ANKRD30B: variants seen among roughly 807,000 people sequenced by gnomAD.
ANKRD30B encodes the protein ankyrin repeat domain 30B.
ANKRD30B carries 144 observed loss-of-function variants against 202.2 expected under a neutral mutation model. The ratio of observed to expected loss-of-function variants is 0.71; its 90% CI spans 0.62 to 0.82. ANKRD30B has a LOEUF of 0.82. ANKRD30B is among the 40% of genes least tolerant of loss of function. The pLI is 0.00. For synonymous variants in ANKRD30B, 508 were observed against 561.3 expected (o/e 0.91, Z 1.34); for missense variants, 1,487 against 1,669.1 (o/e 0.89, Z 1.90).
At chr18:14,838,270 G>T (rs1191963723) in intron 36 of ANKRD30B, among the ~76,000 whole-genome samples, 4 of 150,458 alleles carry the variant, frequency 2.7e-5, no homozygotes, top group Non-Finnish European at 6.0e-5. Context: ...GTATGATTCT[G>T]TGTATATCTA....
the ANKRD30B span, among the ~76,000 whole-genome samples, chr18:14,922,599 G>A: frequency 1.3e-5 from 2 of 148,526 alleles, no homozygotes; most frequent in African/African-American, 5.0e-5. Flanking sequence ...AGCTTGCAGT[G>A]AGCCAAGATC....
chr18:14,898,260 C>T, the ANKRD30B span, among the ~76,000 whole-genome samples: 2 of 152,028 alleles, frequency 1.3e-5, no homozygotes, highest in Admixed American at 6.6e-5. Context: ...TGGTGTGAGA[C>T]GATACTCTAA....
chr18:14,821,279 G>A (rs1044759174), intron 30 of ANKRD30B, among the ~76,000 whole-genome samples: 6 of 151,546 alleles, frequency 4.0e-5, no homozygotes, highest in East Asian at 3.9e-4. Context: ...TCTTGCTAGC[G>A]GTCTATCAAT....
intron 24 of ANKRD30B, among the ~76,000 whole-genome samples, chr18:14,805,670 G>C (rs1969465096): frequency 6.6e-6 from 1 of 150,828 alleles, no homozygotes; most frequent in African/African-American, 2.4e-5. Context: ...ATGAATATTT[G>C]TAATGATATA....
At chr18:14,782,658 T>TAGACAAACATATG in intron 12 of ANKRD30B, 44 bp downstream of exon 12, 4 of 1,316,162 alleles carry the variant, frequency 3.0e-6, no homozygotes, top group Non-Finnish European at 4.2e-6. Flanking sequence ...ACCATATGTT[T>TAGACAAACATATG]GTCTAAACGC....
intron 39 of ANKRD30B, among the ~76,000 whole-genome samples, chr18:14,846,831 T>G (rs992548949): frequency 2.0e-5 from 3 of 151,862 alleles, no homozygotes; most frequent in African/African-American, 7.2e-5. Context: ...TTATTTCTTA[T>G]AGGTGTTATA....
the ANKRD30B span, among the ~76,000 whole-genome samples, chr18:14,919,678 C>T: frequency 6.6e-6 from 1 of 152,206 alleles, no homozygotes; most frequent in Admixed American, 6.5e-5. Flanking sequence ...AAGTTTCTAA[C>T]ATGATGAACA....
intron 33 of ANKRD30B, chr18:14,830,369 A>C (rs1024980769): frequency 1.1e-4 from 17 of 152,504 alleles, no homozygotes; most frequent in Admixed American, 5.9e-4. Flanking sequence ...CAAGGAAGGA[A>C]AAGTATAAAA....
intron 9 of ANKRD30B, among the ~76,000 whole-genome samples, chr18:14,777,108 T>C (rs1402407570): frequency 2.0e-5 from 3 of 152,166 alleles, no homozygotes; most frequent in Non-Finnish European, 4.4e-5. Context: ...TTTTGAAATA[T>C]GTACACGAGT....
Position 14,763,753 on chromosome 18 carries a change from A to C in ANKRD30B, c.888A>C (p.Glu296Asp), listed in dbSNP as rs780404673. Reference protein sequence around the residue: ...PLAERTPDTAESLLEKTPDEA... With the variant: ...PLAERTPDTADSLLEKTPDEA... ...CGGAAAGAACACCTGACACGGCTGA[A>C]AGCTTGCTGGAAAAAACACCTGACG... Residue 296 changes from glutamate (E) to aspartate (D), a missense_variant, in exon 7 of 44, where the codon GAA becomes GAC. Physicochemically the swap from Glu to Asp is conservative, Grantham distance 45 (BLOSUM62 2). Around this residue, in one of 6 missense-constraint regions of ANKRD30B, gnomAD observed 889 missense variants for 841.4 expected, o/e 1.06. Coordinates refer to ENST00000690538, the MANE Select transcript of ANKRD30B (RefSeq NM_001367607.2). 42 of 1,614,094 alleles carry C rather than the reference A, an allele frequency of 2.6e-5. 1 individual carries two copies. The East Asian group carries it at 7.8e-4, about 30-fold the overall frequency.
chr18:14,770,607 A>G (rs1057272131), intron 8 of ANKRD30B, among the ~76,000 whole-genome samples: 3 of 152,188 alleles, frequency 2.0e-5, no homozygotes, highest in Admixed American at 6.5e-5. Flanking sequence ...CAGGATTGGT[A>G]GGAGTAAGGG....
chr18:14,865,068 C>A, the ANKRD30B span, among the ~76,000 whole-genome samples: 1 of 151,570 alleles, frequency 6.6e-6, no homozygotes, highest in African/African-American at 2.4e-5. Context: ...TCTTTCCCCA[C>A]TCCCTCTGGC....
intron 5 of ANKRD30B, 118 bp downstream of exon 5, chr18:14,758,070 TAGA>T: frequency 9.1e-7 from 1 of 1,100,814 alleles, no homozygotes; most frequent in Non-Finnish European, 1.3e-6. Flanking sequence ...CCAGACTAGT[TAGA>T]AGGAGTACTG....
the ANKRD30B span, chr18:14,905,550 T>C: frequency 6.6e-6 from 1 of 152,212 alleles, no homozygotes; most frequent in African/African-American, 2.4e-5. Context: ...GTTATGTAGA[T>C]GAAGCCTCTA....
the ANKRD30B span, among the ~76,000 whole-genome samples, chr18:14,888,179 G>A: frequency 1.3e-5 from 2 of 151,600 alleles, no homozygotes; most frequent in Non-Finnish European, 2.9e-5. Flanking sequence ...CTTTTTTTCT[G>A]ATTAGAGTTT....
intron 33 of ANKRD30B, among the ~76,000 whole-genome samples, 181 bp from the exon 34 acceptor site, chr18:14,831,202 G>GAAAAAAAAAA (rs1434127361): frequency 4.3e-4 from 33 of 76,910 alleles, no homozygotes; most frequent in Middle Eastern, 6.7e-3. Flanking sequence ...AAAAAAAAAC[G>GAAAAAAAAAA]AAAACCAGAT....
intron 3 of ANKRD30B, among the ~76,000 whole-genome samples, chr18:14,754,198 A>G (rs1202675667): frequency 2.0e-5 from 3 of 152,192 alleles, no homozygotes; most frequent in Admixed American, 6.6e-5. Context: ...GGAGTGCCTG[A>G]CATTGGCATC....
At chr18:14,831,181 G>GAA (rs71305894) in intron 33 of ANKRD30B, among the ~76,000 whole-genome samples, 1,080 of 52,324 alleles carry the variant, frequency 0.021, 91 homozygotes, top group African/African-American at 0.076. Context: ...CTCCGTCTCG[G>GAA]AAAAAAAAAA....
chr18:14,907,734 C>T, the ANKRD30B span, among the ~76,000 whole-genome samples: 3 of 152,182 alleles, frequency 2.0e-5, no homozygotes, highest in Admixed American at 6.5e-5. Context: ...GCCTCCCAAG[C>T]GTCCTGGCAG....
Sources: allele counts gnomAD v4.1 joint callset (sites outside exome capture counted in the v4.1 genomes callset), GRCh38; gene constraint gnomAD v4.1.1; regional missense constraint gnomAD v4.1.1; transcripts MANE v1.5; gene names NCBI Gene and HGNC (gene_info 2026-07-23, HGNC 2026-07-21).